SLC71A1: variants seen among roughly 807,000 people sequenced by gnomAD.
The protein encoded by SLC71A1 is hippocampus abundant gene transcript 1.
the SLC71A1 span, chr1:100,068,622 C>T: frequency 8.9e-7 from 1 of 1,124,056 alleles, no homozygotes; most frequent in Non-Finnish European, 1.3e-6. Flanking sequence ...ACTTTTCTTT[C>T]ATTGTCTAGT....
At chr1:100,077,965 T>C in the SLC71A1 span, among the ~76,000 whole-genome samples, 3,021 of 152,306 alleles carry the variant, frequency 0.02, 85 homozygotes, top group South Asian at 0.17. Flanking sequence ...GTGCTCACAA[T>C]TGAAATTACC....
At chr1:100,052,091 T>C in the SLC71A1 span, among the ~76,000 whole-genome samples, 1 of 152,214 alleles carries the variant, frequency 6.6e-6, no homozygotes, top group African/African-American at 2.4e-5. Context: ...AACTTGTTTG[T>C]ACCCATGTTT....
the SLC71A1 span, among the ~76,000 whole-genome samples, chr1:100,067,388 G>A: frequency 7.2e-5 from 11 of 152,284 alleles, no homozygotes; most frequent in African/African-American, 2.6e-4. Context: ...GAGACTACAG[G>A]TGCACACCAG....
chr1:100,071,025 A>G, the SLC71A1 span, among the ~76,000 whole-genome samples: 1 of 152,100 alleles, frequency 6.6e-6, no homozygotes, highest in Non-Finnish European at 1.5e-5. Flanking sequence ...TACTATTTCT[A>G]GCTTCAGGTT....
chr1:100,046,387 G>A, the SLC71A1 span, among the ~76,000 whole-genome samples: 2 of 151,784 alleles, frequency 1.3e-5, no homozygotes, highest in African/African-American at 4.8e-5. Context: ...CACCACGCCT[G>A]GCTAATTTTT....
the SLC71A1 span, chr1:100,043,314 G>A: frequency 2.2e-6 from 1 of 461,918 alleles, no homozygotes; most frequent in Non-Finnish European, 2.8e-6. Context: ...TAAATTGGAA[G>A]TGTGAAAGTA....
the SLC71A1 span, chr1:100,062,224 C>T: frequency 3.8e-6 from 1 of 260,076 alleles, no homozygotes; most frequent in African/African-American, 2.3e-5. Context: ...TAACAGAATC[C>T]TAAAAATAAG....
At chr1:100,081,137 C>T in the SLC71A1 span, among the ~76,000 whole-genome samples, 1,269 of 152,266 alleles carry the variant, frequency 8.3e-3, 10 homozygotes, top group Non-Finnish European at 0.013. Flanking sequence ...ACTTATCTTC[C>T]AACCCACTAA....
the SLC71A1 span, among the ~76,000 whole-genome samples, chr1:100,040,227 T>C: frequency 6.6e-6 from 1 of 152,234 alleles, no homozygotes; most frequent in Non-Finnish European, 1.5e-5. Flanking sequence ...ACTTCTATTT[T>C]GTACTAGCAC....
At chr1:100,046,212 G>GTTTTTTTTTTTTTTTTTTT in the SLC71A1 span, among the ~76,000 whole-genome samples, 2 of 54,120 alleles carry the variant, frequency 3.7e-5, no homozygotes, top group African/African-American at 5.9e-5. Context: ...TCCAAGCCTC[G>GTTTTTTTTTTTTTTTTTTT]TTTTTTTTTT....
the SLC71A1 span, chr1:100,079,301 A>G: frequency 6.6e-6 from 1 of 151,932 alleles, no homozygotes; most frequent in African/African-American, 2.4e-5. Context: ...AAAAGAAATC[A>G]TATAGTTTCA....
the SLC71A1 span, chr1:100,069,749 T>A: frequency 3.2e-6 from 3 of 947,744 alleles, no homozygotes; most frequent in Non-Finnish European, 5.2e-6. Context: ...AACTGGGGCC[T>A]CATCTAGTGA....
the SLC71A1 span, chr1:100,049,801 A>C: frequency 1.6e-6 from 1 of 631,114 alleles, no homozygotes; most frequent in African/African-American, 1.8e-5. Flanking sequence ...TGCCCAGTAC[A>C]TATATGATCT....
the SLC71A1 span, among the ~76,000 whole-genome samples, chr1:100,073,174 T>C: frequency 2.0e-5 from 3 of 152,184 alleles, no homozygotes; most frequent in Non-Finnish European, 4.4e-5. Flanking sequence ...AAAATATATC[T>C]TGAATCAGAG....
chr1:100,068,036 A>ACG, the SLC71A1 span: 1 of 1,614,166 alleles, frequency 6.2e-7, no homozygotes. Context: ...CTTATCTTGG[A>ACG]CGAGTATATG....
chr1:100,077,062 C>A, the SLC71A1 span: 2 of 616,994 alleles, frequency 3.2e-6, no homozygotes, highest in Non-Finnish European at 5.7e-6. Flanking sequence ...TGCTGAAAAT[C>A]AGCCAAATTG....
At chr1:100,050,794 C>T in the SLC71A1 span, among the ~76,000 whole-genome samples, 1 of 151,998 alleles carries the variant, frequency 6.6e-6, no homozygotes, top group South Asian at 2.1e-4. Flanking sequence ...ACTATCTATA[C>T]ATAAAATATT....
At chr1:100,060,896 T>G in the SLC71A1 span, among the ~76,000 whole-genome samples, 1 of 152,148 alleles carries the variant, frequency 6.6e-6, no homozygotes, top group Admixed American at 6.5e-5. Context: ...TTAATGTTAG[T>G]TCTACATCAC....
At chr1:100,060,710 A>T in the SLC71A1 span, among the ~76,000 whole-genome samples, 1 of 151,822 alleles carries the variant, frequency 6.6e-6, no homozygotes, top group Non-Finnish European at 1.5e-5. Context: ...GCTCCTAGTT[A>T]CAAGAGTCTG....
Sources: gnomAD v4.1 joint callset for allele counts (sites outside exome capture counted in the v4.1 genomes callset) on GRCh38, gnomAD v4.1.1 for gene constraint, MANE v1.5 for transcripts, NCBI Gene and HGNC (gene_info 2026-07-23, HGNC 2026-07-21) for gene names.